Variants in MAGI2 observed in about 807,000 individuals in gnomAD.
MAGI2 encodes membrane associated guanylate kinase, WW and PDZ domain containing 2, also known as membrane-associated guanylate kinase, WW and PDZ domain-containing protein 2.
A neutral mutation model predicts 133.3 loss-of-function variants in MAGI2; 35 were observed. The observed-to-expected ratio is 0.26, with a 90% confidence interval of 0.20 to 0.35. MAGI2 has a LOEUF of 0.35. Ranked by LOEUF, MAGI2 falls within the 10% of genes least tolerant of loss-of-function variation. The probability of loss-of-function intolerance (pLI) is 1.00; values close to 1 mark genes in which losing one functional copy is unlikely to be tolerated. For synonymous variants in MAGI2, 729 were observed against 710.6 expected (o/e 1.03, Z -0.41); for missense variants, 1,636 against 1,863.4 (o/e 0.88, Z 2.25).
At chr7:78,728,540 CTTTTTTTTTTTTTTTTTTTTTTTTTTT>C (rs71085560) in intron 2 of MAGI2, among the ~76,000 whole-genome samples, 4 of 60,070 alleles carry the variant, frequency 6.7e-5, no homozygotes, top group Non-Finnish European at 8.6e-5. Context: ...TTTCTCTGAT[CTTTTTTTTTTTTTTTTTTTTTTTTTTT>C]TTTTTTTTTT....
chr7:78,915,870 G>A (rs1316755253), intron 2 of MAGI2, among the ~76,000 whole-genome samples: 1 of 151,994 alleles, frequency 6.6e-6, no homozygotes, highest in Non-Finnish European at 1.5e-5. Context: ...CATCAGAGGA[G>A]GAGGGTCTCT....
At chr7:79,184,998 C>A (rs1322741899) in intron 1 of MAGI2, among the ~76,000 whole-genome samples, 1 of 151,638 alleles carries the variant, frequency 6.6e-6, no homozygotes, top group African/African-American at 2.4e-5. Flanking sequence ...AATTTAATAG[C>A]CTGGGGGATA....
At chr7:78,584,461 C>T (rs1005368790) in intron 3 of MAGI2, among the ~76,000 whole-genome samples, 3 of 136,760 alleles carry the variant, frequency 2.2e-5, no homozygotes, top group Admixed American at 7.5e-5. Flanking sequence ...GAAACAAAGA[C>T]GTTAGACTAA....
chr7:78,488,216 C>T (rs1793245303), intron 6 of MAGI2, among the ~76,000 whole-genome samples: 2 of 151,940 alleles, frequency 1.3e-5, no homozygotes, highest in African/African-American at 4.8e-5. Context: ...TCAGAGGACA[C>T]CAGCATCATA....
chr7:78,915,804 T>G (rs1479780787), intron 2 of MAGI2, among the ~76,000 whole-genome samples: 1 of 151,864 alleles, frequency 6.6e-6, no homozygotes, highest in African/African-American at 2.4e-5. Flanking sequence ...AAATATTTAT[T>G]GTGTGGATAT....
intron 1 of MAGI2, among the ~76,000 whole-genome samples, chr7:79,122,564 T>C (rs1311894420): frequency 1.3e-5 from 2 of 152,188 alleles, no homozygotes; most frequent in Non-Finnish European, 2.9e-5. Flanking sequence ...ACTATATAAA[T>C]GATTTCGTTA....
chr7:78,711,720 T>A (rs1363284768), intron 2 of MAGI2, among the ~76,000 whole-genome samples: 2 of 152,144 alleles, frequency 1.3e-5, no homozygotes, highest in Non-Finnish European at 2.9e-5. Flanking sequence ...GGAATTACAA[T>A]CAGTCAGCTT....
intron 14 of MAGI2, among the ~76,000 whole-genome samples, chr7:78,175,005 C>T (rs1826455378): frequency 6.6e-6 from 1 of 152,212 alleles, no homozygotes; most frequent in African/African-American, 2.4e-5. Flanking sequence ...TGGAACCCTT[C>T]CAGACTTTAT....
chr7:78,104,066 A>G (rs1461092698), intron 20 of MAGI2, among the ~76,000 whole-genome samples: 1 of 152,166 alleles, frequency 6.6e-6, no homozygotes, highest in East Asian at 1.9e-4. Context: ...GGCTTCTACA[A>G]TACTCCTGGG....
chr7:79,239,231 A>C (rs566204242), intron 1 of MAGI2, among the ~76,000 whole-genome samples: 40 of 152,144 alleles, frequency 2.6e-4, no homozygotes, highest in African/African-American at 8.4e-4. Flanking sequence ...TTTTTTTCCC[A>C]TACAGTATAA....
intron 2 of MAGI2, among the ~76,000 whole-genome samples, chr7:78,645,951 C>A (rs906319218): frequency 2.0e-5 from 3 of 152,114 alleles, no homozygotes; most frequent in Admixed American, 6.5e-5. Context: ...GTTGGCCAGG[C>A]TGGTCTCGAA....
intron 6 of MAGI2, among the ~76,000 whole-genome samples, chr7:78,458,727 T>C (rs1789625096): frequency 1.3e-5 from 2 of 151,768 alleles, no homozygotes; most frequent in Non-Finnish European, 1.5e-5. Context: ...CTCCGCCTCC[T>C]GGGTTCATGA....
chr7:78,071,796 C>G (rs1421396520), intron 21 of MAGI2, among the ~76,000 whole-genome samples: 2 of 152,124 alleles, frequency 1.3e-5, no homozygotes, highest in Non-Finnish European at 2.9e-5. Flanking sequence ...TGGAAGCTCT[C>G]ATGGAAAAGG....
At chr7:79,341,096 C>T (rs1528263) in intron 1 of MAGI2, among the ~76,000 whole-genome samples, 93,133 of 151,982 alleles carry the variant, frequency 0.61, 29,544 homozygotes, top group Non-Finnish European at 0.69. Flanking sequence ...TCTGGAGTTA[C>T]ATAGAAGGTA....
At chr7:78,642,056 A>G (rs918175853) in intron 2 of MAGI2, among the ~76,000 whole-genome samples, 2 of 152,296 alleles carry the variant, frequency 1.3e-5, no homozygotes, top group South Asian at 4.1e-4. Context: ...TTTACCAGAC[A>G]TTTCATACAG....
intron 20 of MAGI2, among the ~76,000 whole-genome samples, chr7:78,117,362 G>A (rs751671332): frequency 5.3e-5 from 8 of 151,860 alleles, no homozygotes; most frequent in Non-Finnish European, 1.0e-4. Flanking sequence ...AGGAACTCAA[G>A]AGTAATTGAA....
At chr7:78,587,907 A>G (rs1333870680) in intron 3 of MAGI2, among the ~76,000 whole-genome samples, 1 of 152,254 alleles carries the variant, frequency 6.6e-6, no homozygotes, top group Non-Finnish European at 1.5e-5. Flanking sequence ...CAGATGAACA[A>G]AATGGAATTT....
intron 8 of MAGI2, among the ~76,000 whole-genome samples, chr7:78,344,626 T>C (rs1009648710): frequency 3.3e-5 from 5 of 152,162 alleles, no homozygotes; most frequent in Non-Finnish European, 5.9e-5. Context: ...GATAAATAAA[T>C]TGCTATTGGC....
At chr7:78,409,408 C>G (rs7804155) in intron 6 of MAGI2, among the ~76,000 whole-genome samples, 9 of 151,918 alleles carry the variant, frequency 5.9e-5, no homozygotes, top group Admixed American at 2.6e-4. Flanking sequence ...CACAGTAGTG[C>G]TTTAAATCCA....
Sources: allele counts gnomAD v4.1 joint callset (sites outside exome capture counted in the v4.1 genomes callset), GRCh38; gene constraint gnomAD v4.1.1; transcripts MANE v1.5; gene names NCBI Gene and HGNC (gene_info 2026-07-23, HGNC 2026-07-21).